CFAP299: variants seen among roughly 807,000 people sequenced by gnomAD.
The protein encoded by CFAP299 is cilia- and flagella-associated protein 299.
Under a neutral mutation model 27.0 loss-of-function variants are expected in CFAP299, and 21 were observed. That is an observed-to-expected ratio of 0.78 (90% confidence interval 0.55 to 1.12). The LOEUF (loss-of-function observed/expected upper bound fraction) is 1.12, where lower values mean the gene tolerates loss of function less well. Ranked by LOEUF, CFAP299 falls within the 50% of genes most tolerant of loss-of-function variation. The pLI, the probability that CFAP299 is intolerant of heterozygous loss-of-function variation, is 0.00. For synonymous variants in CFAP299, 104 were observed against 98.1 expected, an observed-to-expected ratio of 1.06 and a Z score of -0.36; for missense variants, 310 against 276.6, an observed-to-expected ratio of 1.12 and a Z score of -0.86.
chr4:80,499,514 T>C (rs1731637374), intron 2 of CFAP299, among the ~76,000 whole-genome samples: 1 of 152,154 alleles, frequency 6.6e-6, no homozygotes, highest in African/African-American at 2.4e-5. Flanking sequence ...TTACTAACAT[T>C]TGCCTTGCTT....
At chr4:80,743,834 TA>T (rs977135977) in intron 3 of CFAP299, among the ~76,000 whole-genome samples, 1 of 152,216 alleles carries the variant, frequency 6.6e-6, no homozygotes, top group East Asian at 1.9e-4. Flanking sequence ...AAGTAAAATT[TA>T]AAAAAAGAAA....
intron 3 of CFAP299, among the ~76,000 whole-genome samples, chr4:80,698,763 C>T (rs2110024747): frequency 6.6e-6 from 1 of 152,318 alleles, no homozygotes; most frequent in Non-Finnish European, 1.5e-5. Context: ...TACATGGCAG[C>T]AGGCCAAGAG....
chr4:80,936,021 C>T lies in CFAP299; in HGVS notation c.477-8789C>T, dbSNP rs1485942852. ...TCAAAACCACAATGAGATGCCATCT[C>T]AAATCAGTCAGAATGTCTATTATTA... On this transcript the variant is annotated intron_variant, in intron 4 of 5. Transcript: ENST00000358105. 2.0e-5 allele frequency among the ~76,000 whole-genome samples: 3 copies of T among 152,118 alleles called. No homozygotes were observed. The South Asian group carries it at 6.2e-4, about 32-fold the overall frequency.
At chr4:80,671,094 G>A (rs947136912) in intron 3 of CFAP299, among the ~76,000 whole-genome samples, 1 of 152,262 alleles carries the variant, frequency 6.6e-6, no homozygotes, top group African/African-American at 2.4e-5. Context: ...TATTGCCTAG[G>A]TTTTCTTCTA....
chr4:80,554,525 G>A (rs1338888927), intron 2 of CFAP299, among the ~76,000 whole-genome samples: 1 of 31,754 alleles, frequency 3.1e-5, no homozygotes. Context: ...TTTTTTTTTT[G>A]TCATGTGAAG....
At chr4:80,750,104 T>C (rs1724848425) in intron 3 of CFAP299, among the ~76,000 whole-genome samples, 3 of 152,200 alleles carry the variant, frequency 2.0e-5, no homozygotes, top group African/African-American at 7.2e-5. Flanking sequence ...TCTTAATGTA[T>C]GATTTTTAAT....
At position 80,370,383 on chromosome 4, in the gene CFAP299, C is replaced by T. The variant is rs1227532953; in HGVS notation, c.242+7499C>T. Among the ~76,000 whole-genome samples, 4 of 152,272 alleles carry T rather than the reference C, an allele frequency of 2.6e-5. No individual in the cohort carries two copies. The South Asian group carries it at 6.2e-4, about 24-fold the overall frequency. ...CAAATCTCATGTCCCTCTCACATTG[C>T]AAAACACAATCATGCCTTCCCAACA... is the stretch of plus-strand genomic sequence containing the variant. On this transcript the variant is annotated intron_variant, in intron 2 of 5. Transcript: ENST00000358105.
At chr4:80,591,573 C>T (rs1736794717) in intron 3 of CFAP299, among the ~76,000 whole-genome samples, 1 of 151,972 alleles carries the variant, frequency 6.6e-6, no homozygotes, top group African/African-American at 2.4e-5. Context: ...CCTCACTAAT[C>T]CCTAACCCTC....
chr4:80,907,685 C>T (rs1735253239), intron 4 of CFAP299, among the ~76,000 whole-genome samples: 1 of 152,138 alleles, frequency 6.6e-6, no homozygotes, highest in African/African-American at 2.4e-5. Flanking sequence ...CACTTACTAT[C>T]ACAAGAACAG....
Position 80,569,491 on chromosome 4 carries a change from G to A in CFAP299, c.243-13602G>A, listed in dbSNP as rs377546829. 3.2e-4 allele frequency among the ~76,000 whole-genome samples: 48 copies of A among 152,052 alleles called. No individual in the cohort carries two copies. In the South Asian group the frequency reaches 9.7e-3, roughly 31 times the overall value. ...AAAAGTTTTGAGAAATTTTAACTTAGTGTGAGGTTTGGTTTGTAATTCACA... is the reference window on the plus strand; with the variant it reads ...AAAAGTTTTGAGAAATTTTAACTTAATGTGAGGTTTGGTTTGTAATTCACA... On this transcript the variant is annotated intron_variant, in intron 2 of 5. Coordinates refer to ENST00000358105, the MANE Select transcript of CFAP299 (RefSeq NM_152770.3).
At chr4:80,618,852 C>G (rs1159675607) in intron 3 of CFAP299, among the ~76,000 whole-genome samples, 1 of 151,906 alleles carries the variant, frequency 6.6e-6, no homozygotes, top group East Asian at 1.9e-4. Context: ...ATAAAATAAA[C>G]TACTAATCGT....
chr4:80,779,903 A>G (rs889597889), intron 3 of CFAP299, among the ~76,000 whole-genome samples: 1 of 152,036 alleles, frequency 6.6e-6, no homozygotes, highest in Non-Finnish European at 1.5e-5. Flanking sequence ...GAAAAAATAA[A>G]TGTTCTCCGG....
intron 3 of CFAP299, among the ~76,000 whole-genome samples, chr4:80,642,573 G>A (rs1739782493): frequency 6.6e-6 from 1 of 151,884 alleles, no homozygotes; most frequent in African/African-American, 2.4e-5. Context: ...AGACAATACT[G>A]GCCAACATGT....
chr4:80,473,774 T>G (rs1046504525), intron 2 of CFAP299, among the ~76,000 whole-genome samples: 1 of 152,160 alleles, frequency 6.6e-6, no homozygotes, highest in Admixed American at 6.5e-5. Context: ...AAATTTTTTG[T>G]AGAGACAGGA....
intron 3 of CFAP299, among the ~76,000 whole-genome samples, chr4:80,680,404 A>T (rs577723020): frequency 6.6e-6 from 1 of 152,150 alleles, no homozygotes; most frequent in East Asian, 1.9e-4. Flanking sequence ...AGGTTTTTTT[A>T]TATATATTTT....
At chr4:80,928,115 G>A (rs1355024068) in intron 4 of CFAP299, among the ~76,000 whole-genome samples, 1 of 152,076 alleles carries the variant, frequency 6.6e-6, no homozygotes, top group Non-Finnish European at 1.5e-5. Flanking sequence ...CTCTCCCCCA[G>A]CGTTCTGTTC....
chr4:80,327,690 T>TTATATATATATA, the CFAP299 span, among the ~76,000 whole-genome samples: 322 of 51,134 alleles, frequency 6.3e-3, 7 homozygotes, highest in African/African-American at 0.017. Context: ...TAGAGAGAAG[T>TTATATATATATA]TATATATATA....
intron 3 of CFAP299, among the ~76,000 whole-genome samples, chr4:80,583,470 T>A (rs1736274691): frequency 1.3e-5 from 2 of 151,860 alleles, no homozygotes; most frequent in Admixed American, 1.3e-4. Flanking sequence ...CCCTCCTGCT[T>A]CTTTTAAACT....
At chr4:80,543,287 C>T (rs1734086409) in intron 2 of CFAP299, among the ~76,000 whole-genome samples, 2 of 152,152 alleles carry the variant, frequency 1.3e-5, no homozygotes, top group Non-Finnish European at 2.9e-5. Flanking sequence ...ACTCTGGCAA[C>T]TCTAAAAGCC....
Sources: gnomAD v4.1 joint callset for allele counts (sites outside exome capture counted in the v4.1 genomes callset) on GRCh38, gnomAD v4.1.1 for gene constraint, MANE v1.5 for transcripts, NCBI Gene and HGNC (gene_info 2026-07-23, HGNC 2026-07-21) for gene names.